The following IQGAP2 variants were observed in gnomAD, a reference collection of about 807,000 sequenced individuals.
The protein encoded by IQGAP2 is ras GTPase-activating-like protein IQGAP2.
In IQGAP2, 173 loss-of-function variants were observed where a neutral mutation model predicts 201.3. The ratio of observed to expected loss-of-function variants is 0.86; its 90% CI spans 0.76 to 0.98. The LOEUF (loss-of-function observed/expected upper bound fraction) is 0.98. Ranked by LOEUF, IQGAP2 falls within the 50% of genes least tolerant of loss-of-function variation. The pLI, the probability that IQGAP2 is intolerant of heterozygous loss-of-function variation, is 0.00. For missense variants in IQGAP2, 1,687 were observed against 1,864.8 expected, an observed-to-expected ratio of 0.90 and a Z score of 1.76; for synonymous variants, 675 against 673.9, an observed-to-expected ratio of 1.00 and a Z score of -0.03.
chr5:76,446,162 C>G (rs1753381374), intron 1 of IQGAP2, among the ~76,000 whole-genome samples: 1 of 152,186 alleles, frequency 6.6e-6, no homozygotes, highest in African/African-American at 2.4e-5. Flanking sequence ...GTACAAATAT[C>G]TGCTGGAGTC....
chr5:76,656,894 T>C (rs1742786708), intron 20 of IQGAP2, among the ~76,000 whole-genome samples: 2 of 88,194 alleles, frequency 2.3e-5, no homozygotes, highest in Non-Finnish European at 5.1e-5. Context: ...GATTTTCTAA[T>C]TTAAAAAAAA....
intron 30 of IQGAP2, among the ~76,000 whole-genome samples, chr5:76,689,246 A>AC (rs1554086406): frequency 2.7e-5 from 4 of 149,640 alleles, no homozygotes; most frequent in Non-Finnish European, 4.5e-5. Context: ...AAAAAAAAAA[A>AC]AAAAAAAAAA....
rs11331690 is a variant in IQGAP2, at chr5:76,509,984, C to CTT, written c.146+48330_146+48331dup. ...TAGATTTAAATGATTAATTTTCTTT[C>CTT]TTTTTTTTTTTTTTTTGTTTGTTTT... On this transcript the variant is annotated intron_variant, in intron 2 of 35. Coordinates refer to ENST00000274364, the MANE Select transcript of IQGAP2 (RefSeq NM_006633.5). Among the ~76,000 whole-genome samples, 477 of 138,070 alleles carry CTT rather than the reference C, an allele frequency of 3.5e-3. 1 individual carries two copies. Among genetic ancestry groups the CTT allele is most frequent in the African/African-American group, 0.011 (394 of 37,118 alleles). The allele number at this position is 138,070 out of a possible 152,430, so 90.6% of individuals were successfully genotyped here.
chr5:76,688,674 A>T (rs192768091), intron 30 of IQGAP2, among the ~76,000 whole-genome samples: 1 of 152,196 alleles, frequency 6.6e-6, no homozygotes, highest in South Asian at 2.1e-4. Flanking sequence ...CTGAAAAGAT[A>T]AAAAATCTGA....
intron 1 of IQGAP2, among the ~76,000 whole-genome samples, chr5:76,453,397 C>T (rs62363256): frequency 6.6e-6 from 1 of 152,126 alleles, no homozygotes; most frequent in Non-Finnish European, 1.5e-5. Flanking sequence ...AAAAAAAACC[C>T]ACTTGTAACC....
chr5:76,695,628 G>A lies in IQGAP2; in HGVS notation c.4168G>A (p.Glu1390Lys), dbSNP rs758403979. ...GGAACAGACTGGACACGTGTCATCCGAAAATAAATACCAAGACATTCTCAA... is the reference window on the plus strand; with the variant it reads ...GGAACAGACTGGACACGTGTCATCCAAAAATAAATACCAAGACATTCTCAA... ...TLEQTGHVSS[E>K]NKYQDILNEI... Residue 1390 changes from glutamate (E) to lysine (K), a missense_variant, in exon 32 of 36, where the codon GAA (glutamate) becomes AAA (lysine). Transcript: ENST00000274364. 4.3e-5 allele frequency: 70 copies of A among 1,614,076 alleles called. No homozygotes were observed. Among genetic ancestry groups the A allele is most frequent in the South Asian group, 1.8e-4 (16 of 91,072 alleles).
chr5:76,580,079 C>T (rs1484621323), intron 5 of IQGAP2, among the ~76,000 whole-genome samples: 1 of 151,652 alleles, frequency 6.6e-6, no homozygotes, highest in African/African-American at 2.4e-5. Context: ...AGTTTAAGAT[C>T]AGCCTGGCCA....
At chr5:76,653,999 T>C (rs1446447582) in intron 18 of IQGAP2, among the ~76,000 whole-genome samples, 1 of 152,218 alleles carries the variant, frequency 6.6e-6, no homozygotes, top group Non-Finnish European at 1.5e-5. Flanking sequence ...ATGTAAAGCG[T>C]TTTGAACCCC....
Position 76,428,111 on chromosome 5 carries a change from T to C in IQGAP2, c.46+24520T>C, listed in dbSNP as rs375107906. ...CTTGGACTGTTAGACTCTGAGCTATTTGGTGGCTCCCTGGGTGTGGTTTGA... is the reference window on the plus strand; with the variant it reads ...CTTGGACTGTTAGACTCTGAGCTATCTGGTGGCTCCCTGGGTGTGGTTTGA... On this transcript the variant is annotated intron_variant, in intron 1 of 35. Transcript: ENST00000274364. Among the ~76,000 whole-genome samples the C allele has an allele frequency of 6.6e-5, 10 of 152,228 alleles. No homozygotes were observed. The South Asian group carries it at 1.2e-3, about 19-fold the overall frequency.
At chr5:76,610,950 G>T (rs994284181) in intron 12 of IQGAP2, 70 bp from the exon 13 acceptor site, 1 of 1,314,292 alleles carries the variant, frequency 7.6e-7, no homozygotes, top group African/African-American at 1.5e-5. Flanking sequence ...TTAGCCTTTT[G>T]CAATCGGTGA....
At chr5:76,605,652 G>A (rs905758568) in intron 11 of IQGAP2, among the ~76,000 whole-genome samples, 2 of 152,236 alleles carry the variant, frequency 1.3e-5, no homozygotes, top group African/African-American at 4.8e-5. Context: ...GCATTTGCAT[G>A]TTATCTGATT....
chr5:76,670,352 T>C (rs1164649540), intron 23 of IQGAP2, among the ~76,000 whole-genome samples: 2 of 151,628 alleles, frequency 1.3e-5, no homozygotes, highest in Admixed American at 6.6e-5. Context: ...CTACTAAAAA[T>C]ACAAAAACAA....
At chr5:76,611,324 T>C in intron 13 of IQGAP2, 141 bp downstream of exon 13, 2 of 608,060 alleles carry the variant, frequency 3.3e-6, no homozygotes, top group Non-Finnish European at 5.5e-6. Flanking sequence ...ATGGAAATAA[T>C]AGAGCTGTTA....
At chr5:76,479,868 G>A (rs1268329380) in intron 2 of IQGAP2, among the ~76,000 whole-genome samples, 3 of 152,116 alleles carry the variant, frequency 2.0e-5, no homozygotes, top group East Asian at 1.9e-4. Context: ...ACTCATGTGT[G>A]TGGTGTAGAA....
intron 1 of IQGAP2, among the ~76,000 whole-genome samples, chr5:76,411,971 G>C (rs1230312450): frequency 6.6e-6 from 1 of 152,118 alleles, no homozygotes; most frequent in Admixed American, 6.5e-5. Flanking sequence ...CCTGGGGGTG[G>C]CACATGGGGG....
At chr5:76,424,278 C>CT (rs773295191) in intron 1 of IQGAP2, among the ~76,000 whole-genome samples, 15 of 152,054 alleles carry the variant, frequency 9.9e-5, no homozygotes, top group Non-Finnish European at 2.1e-4. Flanking sequence ...ATTTATAAAC[C>CT]TTTTTTTCCC....
chr5:76,500,253 A>G (rs1166339390), intron 2 of IQGAP2, among the ~76,000 whole-genome samples: 1 of 152,246 alleles, frequency 6.6e-6, no homozygotes, highest in Non-Finnish European at 1.5e-5. Context: ...ATTAAAAATG[A>G]ATGCAGATAC....
At chr5:76,526,908 G>A (rs1171542680) in intron 2 of IQGAP2, among the ~76,000 whole-genome samples, 1 of 152,228 alleles carries the variant, frequency 6.6e-6, no homozygotes, top group Non-Finnish European at 1.5e-5. Context: ...TAGGCCATAA[G>A]GATGTGTTCT....
chr5:76,469,504 G>T, intron 2 of IQGAP2, among the ~76,000 whole-genome samples: 1 of 151,758 alleles, frequency 6.6e-6, no homozygotes, highest in East Asian at 1.9e-4. Context: ...GGGTTCAAAC[G>T]ATTATTTCTC....
Sources: allele counts gnomAD v4.1 joint callset (sites outside exome capture counted in the v4.1 genomes callset), GRCh38; gene constraint gnomAD v4.1.1; transcripts MANE v1.5; gene names NCBI Gene and HGNC (gene_info 2026-07-23, HGNC 2026-07-21).